OR5AN1: variants seen among roughly 807,000 people sequenced by gnomAD.
OR5AN1 encodes olfactory receptor family 5 subfamily AN member 1, also known as olfactory receptor 5AN1.
For synonymous variants in OR5AN1, 167 were observed against 131.8 expected (o/e 1.27, Z -1.83); for missense variants, 476 against 368.9 (o/e 1.29, Z -2.38).
In OR5AN1 at chr11:59,367,078, G is replaced by T. The variant is rs1349632024; in HGVS notation, c.*1684G>T. ...ATCAGAAGTAACAATCTTTTGAAAA[G>T]AAATACAATAAAGTAACAAAGCTGT... On this transcript the variant is annotated 3_prime_UTR_variant, in exon 2 of 2. Coordinates refer to ENST00000641998, the MANE Select transcript of OR5AN1 (RefSeq NM_001004729.2). 1.3e-5 allele frequency: 2 copies of T among 152,074 alleles called. No homozygotes were observed. Among genetic ancestry groups the T allele is most frequent in the Non-Finnish European group, 2.9e-5 (2 of 67,988 alleles). The allele number at this position is 152,074 out of a possible 1,614,324, so 9.4% of individuals were successfully genotyped here.
chr11:59,363,614 A>G (rs1195129281), intron 1 of OR5AN1, among the ~76,000 whole-genome samples: 1 of 152,232 alleles, frequency 6.6e-6, no homozygotes, highest in African/African-American at 2.4e-5. Flanking sequence ...ATACATTTTT[A>G]TTAAAATAGG....
rs1034375597 is a variant in OR5AN1, at chr11:59,365,373, G to A, written c.915G>A (p.Leu305=). 6.3e-7 allele frequency: 1 copy of A among 1,596,042 alleles called. No homozygotes were observed. The highest frequency in any genetic ancestry group is 1.3e-5 in the African/African-American group (1 of 74,102). ...NKEIKDALKR[L]QKRKCC ...AAATTAAAGATGCCTTAAAGAGGTTGCAAAAGAGAAAGTGCTGCTGAGTTT... is the reference window on the plus strand; with the variant it reads ...AAATTAAAGATGCCTTAAAGAGGTTACAAAAGAGAAAGTGCTGCTGAGTTT... Residue 305 remains leucine, a synonymous_variant, in exon 2 of 2, where the codon TTG becomes TTA. Coordinates refer to ENST00000641998, the MANE Select transcript of OR5AN1 (RefSeq NM_001004729.2).
In OR5AN1 at chr11:59,365,301, G is replaced by T; in HGVS notation, c.843G>T (p.Val281=). ...GATTTGCATCTGTTTTCTACACTGT[G>T]GTCATTCCCATGTTAAATCCCTTGA... is the stretch of plus-strand genomic sequence containing the variant. The part of the protein sequence containing the change: ...FDRFASVFYT[V]VIPMLNPLIY... Residue 281 remains valine, a synonymous_variant, in exon 2 of 2, where the codon GTG becomes GTT. Transcript: ENST00000641998. 6.8e-6 allele frequency: 11 copies of T among 1,612,644 alleles called. No individual in the cohort carries two copies. The highest frequency in any genetic ancestry group is 9.3e-6 in the Non-Finnish European group (11 of 1,179,026).
chr11:59,362,829 A>G lies in OR5AN1; in HGVS notation c.-13-1617A>G, dbSNP rs554837293. Among the ~76,000 whole-genome samples, 13 of 152,356 alleles carry G rather than the reference A, an allele frequency of 8.5e-5. No homozygotes were observed. In the South Asian group the frequency reaches 2.7e-3, roughly 32 times the overall value. Reference sequence around the variant, plus strand: ...TGAATCTACCAAAAAATAAAAAGATATACCTCTGTATTATTAGAGAATTGA... The same window carrying G: ...TGAATCTACCAAAAAATAAAAAGATGTACCTCTGTATTATTAGAGAATTGA... On this transcript the variant is annotated intron_variant, in intron 1 of 1. Transcript: ENST00000641998.
chr11:59,359,506 G>A (rs1857441194), intron 1 of OR5AN1: 1 of 152,074 alleles, frequency 6.6e-6, no homozygotes, highest in Admixed American at 6.5e-5. Flanking sequence ...CCACCCCAAG[G>A]ACCCTTTTAA....
At chr11:59,360,007 G>T (rs746818480) in intron 1 of OR5AN1, 20 of 152,058 alleles carry the variant, frequency 1.3e-4, no homozygotes, top group Non-Finnish European at 2.9e-4. Context: ...CTCAGGAGAT[G>T]GTGAACATAT....
Position 59,359,937 on chromosome 11 carries a change from T to G in OR5AN1, c.-14+665T>G, listed in dbSNP as rs76463569. The stretch of plus-strand genomic sequence containing the variant: ...CTGGATAGGATTTTGATCACCTATA[T>G]TCATCTAGTAAAATCTTTAACCTAT... On this transcript the variant is annotated intron_variant, in intron 1 of 1. Transcript: ENST00000641998. 160 of 152,338 alleles carry G rather than the reference T, an allele frequency of 1.1e-3. 1 individual carries two copies. The highest frequency in any genetic ancestry group is 3.7e-3 in the African/African-American group (153 of 41,560). 9.4% of individuals were successfully genotyped at this position (152,338 alleles called of 1,614,324 possible). A position where few individuals can be genotyped will look rare whatever the true frequency, so the allele number is the denominator to read the frequency against.
chr11:59,362,554 A>G (rs1380546812), intron 1 of OR5AN1, among the ~76,000 whole-genome samples: 1 of 152,220 alleles, frequency 6.6e-6, no homozygotes, highest in Non-Finnish European at 1.5e-5. Flanking sequence ...CTATTATTAT[A>G]AGAATAATGA....
chr11:59,371,040 C>T lies in OR5AN1; in HGVS notation c.*5646C>T, dbSNP rs774905970. On this transcript the variant is annotated 3_prime_UTR_variant, in exon 2 of 2. Transcript: ENST00000641998. ...ATCTACACACAATTGGGTTCTTTTG[C>T]TTTAATATTTGTGTGTATGTGGAGT... 2.0e-5 allele frequency: 3 copies of T among 151,578 alleles called. No individual in the cohort carries two copies. The highest frequency in any genetic ancestry group is 4.4e-5 in the Non-Finnish European group (3 of 67,944). The allele number at this position is 151,578 out of a possible 1,614,324, so 9.4% of individuals were successfully genotyped here.
chr11:59,363,219 T>A (rs770616105), intron 1 of OR5AN1, among the ~76,000 whole-genome samples: 2 of 152,226 alleles, frequency 1.3e-5, no homozygotes, highest in Non-Finnish European at 2.9e-5. Context: ...GTGTGCTAAG[T>A]TTTTGCATGA....
Position 59,365,012 on chromosome 11 carries a change from T to A in OR5AN1, c.554T>A (p.Leu185Gln). The change falls in exon 2 of 2, where the codon CTG (leucine) becomes CAG (glutamine). Residue 185 changes from leucine to glutamine, a missense_variant. By Grantham distance (113) the Leu-to-Gln change is moderately radical (BLOSUM62 -2). Coordinates refer to ENST00000641998, the MANE Select transcript of OR5AN1 (RefSeq NM_001004729.2). ...CATTTCTTCTGTGACATGCCCCAAC[T>A]GTTAATCTTGTCCTGTACTGACACT... ...IRHFFCDMPQLLILSCTDTFF... is the reference protein window; with the variant it reads ...IRHFFCDMPQQLILSCTDTFF... The A allele has an allele frequency of 2.5e-6, 4 of 1,614,160 alleles. No individual in the cohort carries two copies. Among genetic ancestry groups the A allele is most frequent in the Non-Finnish European group, 3.4e-6 (4 of 1,180,000 alleles).
chr11:59,365,138 T>C lies in OR5AN1; in HGVS notation c.680T>C (p.Met227Thr). 4 of 1,614,162 alleles carry C rather than the reference T, an allele frequency of 2.5e-6. No homozygotes were observed. The highest frequency in any genetic ancestry group is 3.4e-6 in the Non-Finnish European group (4 of 1,180,008). ...ISYGYIGISI[M>T]KITSAKGRSK... is the part of the protein sequence containing the mutation. ...TATGGCTATATTGGCATCTCCATCA[T>C]GAAGATCACTTCAGCTAAAGGCAGG... Residue 227 changes from methionine to threonine, a missense_variant, in exon 2 of 2, where the codon ATG becomes ACG. By Grantham distance (81) the Met-to-Thr change is moderately conservative. Transcript: ENST00000641998.
intron 1 of OR5AN1, among the ~76,000 whole-genome samples, chr11:59,361,812 C>T (rs976264638): frequency 2.0e-5 from 3 of 152,100 alleles, no homozygotes; most frequent in Non-Finnish European, 4.4e-5. Context: ...TCTTCTCCCC[C>T]TTTCTCCACC....
chr11:59,364,845 C>G lies in OR5AN1; in HGVS notation c.387C>G (p.Asn129Lys), dbSNP rs771008005. The G allele has an allele frequency of 6.8e-6, 11 of 1,613,850 alleles. No homozygotes were observed. The South Asian group carries it at 1.1e-4, about 16-fold the overall frequency. The change falls in exon 2 of 2, where the codon AAC (asparagine) becomes AAG (lysine). Residue 129 changes from asparagine to lysine, a missense_variant. Physicochemically the swap from Asn to Lys is moderately conservative, Grantham distance 94. Coordinates refer to ENST00000641998, the MANE Select transcript of OR5AN1 (RefSeq NM_001004729.2). ...MAYDRYAAICNPLLYSSIMSP... is the reference protein window; with the variant it reads ...MAYDRYAAICKPLLYSSIMSP... ...ATGATCGTTATGCTGCCATTTGTAA[C>G]CCCCTGCTCTATTCATCCATCATGT...
At chr11:59,363,701 A>T (rs931057518) in intron 1 of OR5AN1, among the ~76,000 whole-genome samples, 1 of 152,234 alleles carries the variant, frequency 6.6e-6, no homozygotes, top group Admixed American at 6.5e-5. Flanking sequence ...TTAGATAACA[A>T]TCCAGGGCAG....
At position 59,370,812 on chromosome 11, in the gene OR5AN1, T is replaced by C. The variant is rs1255057788; in HGVS notation, c.*5418T>C. On this transcript the variant is annotated 3_prime_UTR_variant, in exon 2 of 2. Transcript: ENST00000641998. ...AGTGAATGAACGTGTTAGTCAGAGTTCTCCAGAGAGACAAAACCAATAGGA... is the reference window on the plus strand; with the variant it reads ...AGTGAATGAACGTGTTAGTCAGAGTCCTCCAGAGAGACAAAACCAATAGGA... The C allele has an allele frequency of 6.6e-6, 1 of 152,114 alleles. No individual in the cohort carries two copies. Among genetic ancestry groups the C allele is most frequent in the Non-Finnish European group, 1.5e-5 (1 of 68,036 alleles). 9.4% of individuals were successfully genotyped at this position (152,114 alleles called of 1,614,324 possible). A position where few individuals can be genotyped will look rare whatever the true frequency, so the allele number is the denominator to read the frequency against.
chr11:59,363,804 C>T (rs1857491247), intron 1 of OR5AN1, among the ~76,000 whole-genome samples: 1 of 152,152 alleles, frequency 6.6e-6, no homozygotes, highest in Admixed American at 6.5e-5. Flanking sequence ...ACTCTGTTGC[C>T]TAGGCTGGAG....
At chr11:59,362,308 C>G (rs1206502090) in intron 1 of OR5AN1, among the ~76,000 whole-genome samples, 2 of 151,916 alleles carry the variant, frequency 1.3e-5, no homozygotes, top group Non-Finnish European at 1.5e-5. Flanking sequence ...CATATTTTTT[C>G]TCTTATAATT....
In OR5AN1 at chr11:59,365,158, G is replaced by A; in HGVS notation, c.700G>A (p.Gly234Ser). 1 of 1,614,040 alleles carries A rather than the reference G, an allele frequency of 6.2e-7. No homozygotes were observed. Among genetic ancestry groups the A allele is most frequent in the Non-Finnish European group, 8.5e-7 (1 of 1,179,972 alleles). ...CATCATGAAGATCACTTCAGCTAAA[G>A]GCAGGTCCAAGGCATTCAACACCTG... is the stretch of plus-strand genomic sequence containing the variant. ...ISIMKITSAK[G>S]RSKAFNTCAS... is the part of the protein sequence containing the mutation. Residue 234 changes from glycine (G) to serine (S), a missense_variant, in exon 2 of 2, where the codon GGC (glycine) becomes AGC (serine). Gly to Ser is a moderately conservative substitution (Grantham distance 56). Transcript: ENST00000641998.
Sources: allele counts gnomAD v4.1 joint callset (sites outside exome capture counted in the v4.1 genomes callset), GRCh38; gene constraint gnomAD v4.1.1; transcripts MANE v1.5; gene names NCBI Gene and HGNC (gene_info 2026-07-23, HGNC 2026-07-21).